SMAD2: variants seen among roughly 807,000 people sequenced by gnomAD.
SMAD2 encodes the protein MAD homolog 2.
In SMAD2, 8 loss-of-function variants were observed where a neutral mutation model predicts 64.4. The ratio of observed to expected loss-of-function variants is 0.12; its 90% CI spans 0.07 to 0.22. The LOEUF is 0.22. Ranked by LOEUF, SMAD2 falls within the 10% of genes least tolerant of loss-of-function variation. The pLI is 1.00. For missense variants in SMAD2, 289 were observed against 561.2 expected (o/e 0.51, Z 4.90); for synonymous variants, 203 against 195.8 (o/e 1.04, Z -0.31).
intron 5 of SMAD2, among the ~76,000 whole-genome samples, chr18:47,866,358 A>C (rs1296358864): frequency 6.6e-6 from 1 of 150,682 alleles, no homozygotes. Context: ...GAGAAGATAC[A>C]GGTTAAGGGT....
rs1280654116 is a variant in SMAD2 at position 47,823,687 on chromosome 18, C to A, written c.*18140G>T. 1.3e-5 allele frequency: 2 copies of A among 152,172 alleles called. No individual in the cohort carries two copies. Among genetic ancestry groups the A allele is most frequent in the Non-Finnish European group, 2.9e-5 (2 of 68,028 alleles). 9.4% of individuals were successfully genotyped at this position (152,172 alleles called of 1,614,324 possible). A position where few individuals can be genotyped will look rare whatever the true frequency, so the allele number is the denominator to read the frequency against. On this transcript the variant is annotated 3_prime_UTR_variant, in exon 11 of 11. Transcript: ENST00000262160. ...AAAGTTGATGATTTCAGGCTGTAGACATTTTTCCTAAGACATCAGAGCAAG... is the reference window on the plus strand; with the variant it reads ...AAAGTTGATGATTTCAGGCTGTAGAAATTTTTCCTAAGACATCAGAGCAAG...
At position 47,814,552 on chromosome 18, in the gene SMAD2, G is replaced by C. The variant is rs567956588; in HGVS notation, c.*27275C>G. ...CCCAGGGCAGGGAGAGATTGATTGA[G>C]ATTGCAATTGCCCTGTTGGGAAATA... On this transcript the variant is annotated 3_prime_UTR_variant, in exon 11 of 11. Transcript: ENST00000262160. 6.6e-6 allele frequency: 1 copy of C among 152,348 alleles called. No homozygotes were observed. Among genetic ancestry groups the C allele is most frequent in the South Asian group, 2.1e-4 (1 of 4,832 alleles). 9.4% of individuals were successfully genotyped at this position (152,348 alleles called of 1,614,324 possible). A position where few individuals can be genotyped will look rare whatever the true frequency, so the allele number is the denominator to read the frequency against.
chr18:47,840,480 T>A lies in SMAD2; in HGVS notation c.*1347A>T, dbSNP rs1330573929. The A allele has an allele frequency of 4.3e-6, 1 of 232,608 alleles. No individual in the cohort carries two copies. Among genetic ancestry groups the A allele is most frequent in the East Asian group, 6.0e-5 (1 of 16,538 alleles). 14.4% of individuals were successfully genotyped at this position (232,608 alleles called of 1,614,324 possible). A position where few individuals can be genotyped will look rare whatever the true frequency, so the allele number is the denominator to read the frequency against. ...AGGATCAGTTAAGAACAGCTCAGACTGCAGGTAACTTATAAGCTAAAAAAC... is the reference window on the plus strand; with the variant it reads ...AGGATCAGTTAAGAACAGCTCAGACAGCAGGTAACTTATAAGCTAAAAAAC... On this transcript the variant is annotated 3_prime_UTR_variant, in exon 11 of 11. Transcript: ENST00000262160.
At chr18:47,874,194 T>A (rs2032122510) in intron 2 of SMAD2, among the ~76,000 whole-genome samples, 1 of 152,320 alleles carries the variant, frequency 6.6e-6, no homozygotes, top group Non-Finnish European at 1.5e-5. Flanking sequence ...ACTGACAAGC[T>A]GATATAAAAT....
At chr18:47,924,006 T>C (rs891895316) in intron 1 of SMAD2, among the ~76,000 whole-genome samples, 1 of 152,210 alleles carries the variant, frequency 6.6e-6, no homozygotes, top group Non-Finnish European at 1.5e-5. Flanking sequence ...CCCAACACTT[T>C]GGGAGGCCAA....
intron 1 of SMAD2, among the ~76,000 whole-genome samples, chr18:47,919,105 T>C (rs940755229): frequency 5.3e-5 from 8 of 152,036 alleles, no homozygotes; most frequent in African/African-American, 1.4e-4. Context: ...AAATAGGTTA[T>C]ATAGAAAACA....
intron 1 of SMAD2, among the ~76,000 whole-genome samples, chr18:47,916,515 C>G (rs535357980): frequency 4.6e-5 from 7 of 152,202 alleles, no homozygotes; most frequent in Admixed American, 2.0e-4. Flanking sequence ...CTCCTGGGCT[C>G]TGCCTCAGCC....
intron 2 of SMAD2, among the ~76,000 whole-genome samples, chr18:47,885,385 C>G (rs1033586579): frequency 1.3e-5 from 2 of 152,134 alleles, no homozygotes; most frequent in African/African-American, 4.8e-5. Context: ...CCAGGCTGGT[C>G]TCGAACTCAT....
chr18:47,861,171 C>T (rs2031156085), intron 6 of SMAD2, among the ~76,000 whole-genome samples: 1 of 152,092 alleles, frequency 6.6e-6, no homozygotes, highest in East Asian at 1.9e-4. Flanking sequence ...GCCTGACCAA[C>T]GTGGAGAAAC....
chr18:47,850,688 TGTATAATATA>T (rs2029876291), intron 7 of SMAD2, among the ~76,000 whole-genome samples: 1 of 31,684 alleles, frequency 3.2e-5, no homozygotes, highest in Non-Finnish European at 5.1e-5. Context: ...ATATATATAA[TGTATAATATA>T]TATTATATAC....
intron 8 of SMAD2, among the ~76,000 whole-genome samples, chr18:47,847,904 T>C (rs1792681): frequency 0.55 from 83,586 of 151,830 alleles, 23,448 homozygotes; most frequent in East Asian, 0.82. Context: ...GAAAATAGCT[T>C]TGACCTCACA....
Position 47,817,247 on chromosome 18 carries a change from C to T in SMAD2, c.*24580G>A, listed in dbSNP as rs1012627953. On this transcript the variant is annotated 3_prime_UTR_variant, in exon 11 of 11. Transcript: ENST00000262160. ...AGGAGCCCTTTGGGCTCTCCGCTTA[C>T]ATAGCTTGTCTGTTCTGCCCCAGTG... 1.3e-5 allele frequency: 2 copies of T among 152,236 alleles called. No individual in the cohort carries two copies. The highest frequency in any genetic ancestry group is 1.3e-4 in the Admixed American group (2 of 15,290). 9.4% of individuals were successfully genotyped at this position (152,236 alleles called of 1,614,324 possible). A position where few individuals can be genotyped will look rare whatever the true frequency, so the allele number is the denominator to read the frequency against.
chr18:47,905,492 GA>G (rs2033867481), intron 1 of SMAD2, among the ~76,000 whole-genome samples: 1 of 151,274 alleles, frequency 6.6e-6, no homozygotes, highest in African/African-American at 2.4e-5. Context: ...AACCATTCTT[GA>G]AAAAGAAAAC....
rs1913724540 is a variant in SMAD2 at position 47,839,274 on chromosome 18, G to C, written c.*2553C>G. On this transcript the variant is annotated 3_prime_UTR_variant, in exon 11 of 11. Coordinates refer to ENST00000262160, the MANE Select transcript of SMAD2 (RefSeq NM_005901.6). ...GCACTGCTTGACCTAACACAGTAAT[G>C]CAAGAGTAACCACCAAGATCAGGAC... 8.6e-6 allele frequency: 2 copies of C among 233,230 alleles called. No individual in the cohort carries two copies. The highest frequency in any genetic ancestry group is 1.7e-5 in the Non-Finnish European group (2 of 118,058). 14.4% of individuals were successfully genotyped at this position (233,230 alleles called of 1,614,324 possible).
chr18:47,838,072 T>C lies in SMAD2; in HGVS notation c.*3755A>G, dbSNP rs1913602267. 8.6e-6 allele frequency: 2 copies of C among 233,110 alleles called. No individual in the cohort carries two copies. Among genetic ancestry groups the C allele is most frequent in the Non-Finnish European group, 8.5e-6 (1 of 117,742 alleles). 14.4% of individuals were successfully genotyped at this position (233,110 alleles called of 1,614,324 possible). A position where few individuals can be genotyped will look rare whatever the true frequency, so the allele number is the denominator to read the frequency against. ...AAGAGGTAGAGAAACCAACTGGGTA[T>C]ATATTTTCTTTTATTTGATTTCAAC... is the stretch of plus-strand genomic sequence containing the variant. On this transcript the variant is annotated 3_prime_UTR_variant, in exon 11 of 11. Coordinates refer to ENST00000262160, the MANE Select transcript of SMAD2 (RefSeq NM_005901.6).
chr18:47,883,957 T>C (rs935519614), intron 2 of SMAD2, among the ~76,000 whole-genome samples: 1 of 152,166 alleles, frequency 6.6e-6, no homozygotes, highest in Non-Finnish European at 1.5e-5. Context: ...AAAGCCCAGG[T>C]GCTCCACCTG....
chr18:47,898,215 T>C lies in SMAD2; in HGVS notation c.-53-1406A>G, dbSNP rs1452230766. Among the ~76,000 whole-genome samples, 4 of 152,332 alleles carry C rather than the reference T, an allele frequency of 2.6e-5. No individual in the cohort carries two copies. In the East Asian group the frequency reaches 7.7e-4, roughly 29 times the overall value. ...GTGAAGAAATTGTTATCATTCCACA[T>C]TGCTGGTGAAAAGGTCAAATGTGAC... On this transcript the variant is annotated intron_variant, in intron 1 of 10. Transcript: ENST00000262160.
intron 1 of SMAD2, among the ~76,000 whole-genome samples, chr18:47,903,644 T>G (rs78112281): frequency 0.023 from 3,504 of 151,948 alleles, 70 homozygotes; most frequent in African/African-American, 0.057. Context: ...CAGATAACTA[T>G]AATAAAAATG....
intron 2 of SMAD2, among the ~76,000 whole-genome samples, chr18:47,881,651 C>A (rs1347190691): frequency 6.6e-6 from 1 of 152,126 alleles, no homozygotes; most frequent in East Asian, 1.9e-4. Flanking sequence ...AGTAGACATC[C>A]CTGTCTTGTT....
Sources: allele counts gnomAD v4.1 joint callset (sites outside exome capture counted in the v4.1 genomes callset), GRCh38; gene constraint gnomAD v4.1.1; transcripts MANE v1.5; gene names NCBI Gene and HGNC (gene_info 2026-07-23, HGNC 2026-07-21).